SLC39A10: variants seen among roughly 807,000 people sequenced by gnomAD.
SLC39A10 encodes the protein solute carrier family 39 member 10.
In SLC39A10, 13 loss-of-function variants were observed where a neutral mutation model predicts 65.1. The ratio of observed to expected loss-of-function variants is 0.20; its 90% CI spans 0.13 to 0.32. The LOEUF (loss-of-function observed/expected upper bound fraction) is 0.32, where lower values mean the gene tolerates loss of function less well. Ranked by LOEUF, SLC39A10 falls within the 10% of genes least tolerant of loss-of-function variation. The pLI is 1.00. For missense variants in SLC39A10, 831 were observed against 1,018.4 expected (o/e 0.82, Z 2.50); for synonymous variants, 321 against 342.2 (o/e 0.94, Z 0.68).
chr2:195,644,882 TCTAA>T (rs57636257), intron 2 of SLC39A10, among the ~76,000 whole-genome samples: 4,971 of 113,266 alleles, frequency 0.044, 275 homozygotes, highest in East Asian at 0.28. Context: ...CCATGACCAA[TCTAA>T]CTACTTTATT....
intron 2 of SLC39A10, among the ~76,000 whole-genome samples, chr2:195,682,882 A>T (rs1470242559): frequency 6.6e-6 from 1 of 151,518 alleles, no homozygotes; most frequent in Non-Finnish European, 1.5e-5. Flanking sequence ...AAGAAGAATC[A>T]TTTTTCTGTG....
intron 2 of SLC39A10, among the ~76,000 whole-genome samples, chr2:195,625,982 C>T (rs1688464435): frequency 6.6e-6 from 1 of 152,170 alleles, no homozygotes. Flanking sequence ...CAGGGTTTCA[C>T]CACATTGCCC....
intron 9 of SLC39A10, among the ~76,000 whole-genome samples, chr2:195,734,387 T>G (rs1692519706): frequency 6.6e-6 from 1 of 152,078 alleles, no homozygotes; most frequent in Admixed American, 6.5e-5. Flanking sequence ...GGTCTTGAAC[T>G]CCTGACCCCA....
upstream of SLC39A10, among the ~76,000 whole-genome samples, chr2:195,654,129 G>C (rs1689099653): frequency 6.6e-6 from 1 of 152,000 alleles, no homozygotes; most frequent in Non-Finnish European, 1.5e-5. Context: ...AGTAGAGATG[G>C]GGTTTCTCCG....
At chr2:195,671,749 C>T (rs1471587340) in intron 1 of SLC39A10, 2 of 152,138 alleles carry the variant, frequency 1.3e-5, no homozygotes, top group African/African-American at 4.8e-5. Flanking sequence ...GGCCTCCTAG[C>T]CAATTGAGAT....
intron 2 of SLC39A10, among the ~76,000 whole-genome samples, chr2:195,634,772 G>C (rs1688663871): frequency 6.6e-6 from 1 of 152,194 alleles, no homozygotes; most frequent in Admixed American, 6.5e-5. Flanking sequence ...CTCAGGCCAG[G>C]TGTGGTGGCT....
At chr2:195,723,957 A>G (rs1316499075) in intron 8 of SLC39A10, among the ~76,000 whole-genome samples, 1 of 152,206 alleles carries the variant, frequency 6.6e-6, no homozygotes, top group South Asian at 2.1e-4. Context: ...TTAAGACTCA[A>G]TTAAGAGAGG....
At chr2:195,669,280 G>A (rs1457794662) in intron 1 of SLC39A10, among the ~76,000 whole-genome samples, 1 of 152,078 alleles carries the variant, frequency 6.6e-6, no homozygotes, top group Non-Finnish European at 1.5e-5. Context: ...AGTCTTTGTA[G>A]TATATTTTAG....
chr2:195,713,865 T>C (rs1458053742), intron 6 of SLC39A10, among the ~76,000 whole-genome samples: 1 of 151,878 alleles, frequency 6.6e-6, no homozygotes, highest in African/African-American at 2.4e-5. Context: ...GCTATAAAGA[T>C]AAGAATTACA....
Position 195,735,079 on chromosome 2 carries a change from C to A in SLC39A10, c.*38C>A, listed in dbSNP as rs761538716. ...ATCACTGTTGATTACGAGAATGTTA[C>A]CATGCAGCTTTGCATCTGTTCCTTG... On this transcript the variant is annotated 3_prime_UTR_variant, in exon 10 of 10. Transcript: ENST00000359634. 1 of 1,588,292 alleles carries A rather than the reference C, an allele frequency of 6.3e-7. No homozygotes were observed. The highest frequency in any genetic ancestry group is 1.2e-5 in the South Asian group (1 of 85,798).
At chr2:195,668,016 G>A (rs1689703130) in intron 1 of SLC39A10, among the ~76,000 whole-genome samples, 1 of 152,166 alleles carries the variant, frequency 6.6e-6, no homozygotes, top group Admixed American at 6.5e-5. Context: ...GACTTAAAGT[G>A]GTTAAGGGAC....
At chr2:195,657,674 T>G in intron 1 of SLC39A10, 7 of 974,288 alleles carry the variant, frequency 7.2e-6, no homozygotes, top group Non-Finnish European at 7.3e-6. Context: ...TGGCGGCGGT[T>G]AGGGGGCTGC....
Position 195,728,319 on chromosome 2 carries a change from C to G in SLC39A10, c.2307C>G (p.Gly769=). ...ITLWIFAVTA[G]MFLYVALVDM... is the part of the protein sequence containing the mutation. Reference sequence around the variant, plus strand: ...TTTGGATCTTTGCAGTCACTGCAGGCATGTTCCTCTATGTAGCCTTGGTGG... The same window carrying G: ...TTTGGATCTTTGCAGTCACTGCAGGGATGTTCCTCTATGTAGCCTTGGTGG... Residue 769 remains glycine (G), a synonymous_variant, in exon 9 of 10, where the codon GGC becomes GGG. Coordinates refer to ENST00000359634, the MANE Select transcript of SLC39A10 (RefSeq NM_020342.3). The surrounding 1 kb of genome is among the most constrained non-coding windows in gnomAD (Gnocchi z 4.4). 6.2e-7 allele frequency: 1 copy of G among 1,613,916 alleles called. No homozygotes were observed.
At chr2:195,717,093 G>C (rs989042791) in intron 7 of SLC39A10, 88 bp downstream of exon 7, 1 of 1,492,314 alleles carries the variant, frequency 6.7e-7, no homozygotes, top group Non-Finnish European at 9.0e-7. Flanking sequence ...CAAATATATG[G>C]TTATGTATCA....
At position 195,728,432 on chromosome 2, in the gene SLC39A10, T is replaced by G; in HGVS notation, c.2337+83T>G. The G allele has an allele frequency of 7.7e-7, 1 of 1,302,988 alleles. No homozygotes were observed. The highest frequency in any genetic ancestry group is 2.1e-5 in the Admixed American group (1 of 48,126). 80.7% of individuals were successfully genotyped at this position (1,302,988 alleles called of 1,614,324 possible). A position where few individuals can be genotyped will look rare whatever the true frequency, so the allele number is the denominator to read the frequency against. ...AAGTGGTTTGAAGCCAAACTATTTT[T>G]GAAAATATAACTCATTTTAAAGACA... is the stretch of plus-strand genomic sequence containing the variant. On this transcript the variant is annotated intron_variant, in intron 9 of 9. Transcript: ENST00000359634. The surrounding 1 kb of genome is among the most constrained non-coding windows in gnomAD (Gnocchi z 4.4).
chr2:195,638,917 T>C (rs1010805583), intron 2 of SLC39A10, among the ~76,000 whole-genome samples: 1 of 151,872 alleles, frequency 6.6e-6, no homozygotes, highest in Non-Finnish European at 1.5e-5. Context: ...TGTGACAGTT[T>C]CTCAAATTTT....
Position 195,683,922 on chromosome 2 carries a change from A to G in SLC39A10, c.1216+16A>G. The G allele has an allele frequency of 6.3e-7, 1 of 1,581,386 alleles. No homozygotes were observed. Among genetic ancestry groups the G allele is most frequent in the Non-Finnish European group, 8.6e-7 (1 of 1,156,956 alleles). On this transcript the variant is annotated intron_variant, in intron 3 of 9. Transcript: ENST00000359634. ...GGGGCATCAGGTAAGAGAGATTTTA[A>G]GTTTTTTCTCCTTAAAATAGTACCT...
chr2:195,624,223 T>C (rs1198625386), intron 2 of SLC39A10, among the ~76,000 whole-genome samples: 2 of 151,208 alleles, frequency 1.3e-5, no homozygotes, highest in Non-Finnish European at 3.0e-5. Context: ...CCACCTCTAC[T>C]AAAAATACAA....
chr2:195,725,267 G>C (rs999641762), intron 8 of SLC39A10, among the ~76,000 whole-genome samples: 7 of 152,006 alleles, frequency 4.6e-5, no homozygotes, highest in Non-Finnish European at 1.0e-4. Context: ...AAGGAAAACA[G>C]TCATAAAATA....
Sources: allele counts gnomAD v4.1 joint callset (sites outside exome capture counted in the v4.1 genomes callset), GRCh38; gene constraint gnomAD v4.1.1; non-coding constraint Gnocchi (gnomAD v3.1); transcripts MANE v1.5; gene names NCBI Gene and HGNC (gene_info 2026-07-23, HGNC 2026-07-21).